Variants in PRELID2 observed in about 807,000 individuals in gnomAD.
PRELID2 encodes PRELI domain containing 2, also known as PRELI domain-containing protein 2.
PRELID2 carries 25 observed loss-of-function variants against 28.4 expected under a neutral mutation model. That is an observed-to-expected ratio of 0.88 (90% CI 0.64 to 1.23). The LOEUF is 1.23. Ranked by LOEUF, PRELID2 falls within the 50% of genes most tolerant of loss-of-function variation. The pLI is 0.00. For synonymous variants in PRELID2, 76 were observed against 71.6 expected (o/e 1.06, Z -0.31); for missense variants, 201 against 214.4 (o/e 0.94, Z 0.39).
chr5:145,762,113 T>C (rs1189208140), intron 6 of PRELID2, among the ~76,000 whole-genome samples: 2 of 152,248 alleles, frequency 1.3e-5, no homozygotes, highest in Non-Finnish European at 2.9e-5. Context: ...AAACTGGTCA[T>C]GAATTTTGAG....
At chr5:145,677,111 TATTGAG>T (rs200686336) in intron 1 of PRELID2, among the ~76,000 whole-genome samples, 2,949 of 151,412 alleles carry the variant, frequency 0.019, 102 homozygotes, top group African/African-American at 0.068. Context: ...ATAATGATTG[TATTGAG>T]ATTATGTTTT....
the PRELID2 span, among the ~76,000 whole-genome samples, chr5:145,237,875 T>C: frequency 6.6e-6 from 1 of 152,158 alleles, no homozygotes; most frequent in African/African-American, 2.4e-5. Context: ...TCAGTGTTAC[T>C]GATCCTCTAA....
At chr5:145,525,679 C>T (rs1312372476) in intron 1 of PRELID2, among the ~76,000 whole-genome samples, 1 of 152,122 alleles carries the variant, frequency 6.6e-6, no homozygotes, top group East Asian at 1.9e-4. Flanking sequence ...AGTTTTTGTT[C>T]AGACTCAGAG....
rs73304004 is a variant in PRELID2 at position 145,728,445 on chromosome 5, C to G, written n.70+36486G>C. ...TCAGCAAGAGACAAAACAGGGACCC[C>G]GGATCTGGAACCAGATTGAAGGGAA... On this transcript the variant is annotated intron_variant and non_coding_transcript_variant, in intron 1 of 2. Transcript: ENST00000510259. 1.4e-5 allele frequency: 8 copies of G among 588,518 alleles called. No homozygotes were observed. The Admixed American group carries it at 1.8e-4, about 13-fold the overall frequency. The allele number at this position is 588,518 out of a possible 1,614,324, so 36.5% of individuals were successfully genotyped here. A position where few individuals can be genotyped will look rare whatever the true frequency, so the allele number is the denominator to read the frequency against.
intron 5 of PRELID2, among the ~76,000 whole-genome samples, chr5:145,786,963 C>T (rs1752033375): frequency 6.6e-6 from 1 of 152,130 alleles, no homozygotes; most frequent in Non-Finnish European, 1.5e-5. Flanking sequence ...TTGACTTGCC[C>T]GCATTGTTTC....
chr5:145,317,790 G>A, the PRELID2 span, among the ~76,000 whole-genome samples: 13 of 152,290 alleles, frequency 8.5e-5, 1 homozygote, highest in East Asian at 2.5e-3. Flanking sequence ...TGGCTCACCA[G>A]CCTAGGAATG....
the PRELID2 span, among the ~76,000 whole-genome samples, chr5:145,448,898 C>G: frequency 5.3e-5 from 8 of 152,234 alleles, no homozygotes; most frequent in African/African-American, 1.7e-4. Context: ...TCATAGAGTA[C>G]TGTATTTGAA....
At chr5:145,750,857 G>T (rs1757106351) in intron 1 of PRELID2, among the ~76,000 whole-genome samples, 1 of 152,132 alleles carries the variant, frequency 6.6e-6, no homozygotes, top group South Asian at 2.1e-4. Flanking sequence ...TCACAACACA[G>T]CTTCATTAGT....
At chr5:145,323,384 AGTGTT>A in the PRELID2 span, among the ~76,000 whole-genome samples, 1 of 152,298 alleles carries the variant, frequency 6.6e-6, no homozygotes, top group East Asian at 1.9e-4. Context: ...GCCATTAAAG[AGTGTT>A]AAGCAGGGAA....
chr5:145,729,394 CCA>C (rs1329543926), intron 1 of PRELID2: 2 of 444,196 alleles, frequency 4.5e-6, no homozygotes, highest in East Asian at 8.4e-5. Context: ...GGCAGGTTAC[CCA>C]TGAAACTGAA....
chr5:145,595,065 T>C (rs1753283748), intron 1 of PRELID2, among the ~76,000 whole-genome samples: 1 of 151,186 alleles, frequency 6.6e-6, no homozygotes, highest in Non-Finnish European at 1.5e-5. Context: ...GAGGCAGAGG[T>C]TGCAGTGAGC....
At chr5:145,560,511 C>T (rs1447046808) in intron 1 of PRELID2, among the ~76,000 whole-genome samples, 1 of 152,134 alleles carries the variant, frequency 6.6e-6, no homozygotes, top group Non-Finnish European at 1.5e-5. Context: ...GTGCTGCTGA[C>T]CCACTATTAC....
chr5:145,795,059 T>A (rs1232587937), intron 5 of PRELID2: 1 of 152,124 alleles, frequency 6.6e-6, no homozygotes, highest in East Asian at 1.9e-4. Flanking sequence ...ATTCTTCTAG[T>A]GAATATAGCT....
At chr5:145,241,517 G>T in the PRELID2 span, among the ~76,000 whole-genome samples, 1 of 151,988 alleles carries the variant, frequency 6.6e-6, no homozygotes, top group African/African-American at 2.4e-5. Context: ...TAATAGAATT[G>T]CCTATTGTTA....
intron 1 of PRELID2, among the ~76,000 whole-genome samples, chr5:145,741,943 A>T (rs1756804558): frequency 8.1e-6 from 1 of 122,820 alleles, no homozygotes; most frequent in Non-Finnish European, 1.6e-5. Context: ...TTATAAATAA[A>T]TAAATTTATT....
chr5:145,817,203 ATAAATAAAT>A (rs1561643676), intron 4 of PRELID2, among the ~76,000 whole-genome samples: 30 of 79,992 alleles, frequency 3.8e-4, no homozygotes, highest in African/African-American at 1.0e-3. Context: ...AAAAAAATAA[ATAAATAAAT>A]AAAAAAAAAT....
At chr5:145,373,181 ATATATGATATATAT>A in the PRELID2 span, among the ~76,000 whole-genome samples, 140 of 39,090 alleles carry the variant, frequency 3.6e-3, 1 homozygote, top group Middle Eastern at 0.031. Flanking sequence ...CATATATAAT[ATATATGATATATAT>A]TACAACATAT....
At chr5:145,736,202 T>C in intron 1 of PRELID2, among the ~76,000 whole-genome samples, 1 of 152,244 alleles carries the variant, frequency 6.6e-6, no homozygotes, top group Non-Finnish European at 1.5e-5. Context: ...AGTATTTAAC[T>C]GTTGCTATAC....
chr5:145,427,817 T>G, the PRELID2 span, among the ~76,000 whole-genome samples: 2 of 152,258 alleles, frequency 1.3e-5, no homozygotes, highest in East Asian at 3.9e-4. Flanking sequence ...GAAGTTTAGA[T>G]TAGACGATAT....
Sources: gnomAD v4.1 joint callset for allele counts (sites outside exome capture counted in the v4.1 genomes callset) on GRCh38, gnomAD v4.1.1 for gene constraint, MANE v1.5 for transcripts, NCBI Gene and HGNC (gene_info 2026-07-23, HGNC 2026-07-21) for gene names.